NCOR1: variants seen among roughly 807,000 people sequenced by gnomAD.
NCOR1 encodes protein phosphatase 1, regulatory subunit 109.
A neutral mutation model predicts 288.1 loss-of-function variants in NCOR1; 63 were observed. The ratio of observed to expected loss-of-function variants is 0.22; its 90% CI spans 0.18 to 0.27. The LOEUF is 0.27. Among genes scored for constraint, NCOR1 ranks in the 10% least tolerant of loss-of-function variants. The pLI is 1.00. For missense variants in NCOR1, 2,397 were observed against 3,019.2 expected (o/e 0.79, Z 4.83); for synonymous variants, 1,007 against 1,065.9 (o/e 0.94, Z 1.08).
chr17:16,129,910 T>C (rs1412870846), intron 14 of NCOR1, among the ~76,000 whole-genome samples: 1 of 152,218 alleles, frequency 6.6e-6, no homozygotes, highest in African/African-American at 2.4e-5. Flanking sequence ...ATCCCACGCA[T>C]TCCCTGCTGT....
chr17:16,041,378 G>A (rs2057535084), intron 42 of NCOR1: 1 of 146,114 alleles, frequency 6.8e-6, no homozygotes, highest in Admixed American at 6.8e-5. Flanking sequence ...GCAGCCAAAT[G>A]ATGTGTCCCA....
intron 3 of NCOR1, among the ~76,000 whole-genome samples, chr17:16,177,621 A>C (rs1220070782): frequency 6.6e-6 from 1 of 152,138 alleles, no homozygotes; most frequent in Non-Finnish European, 1.5e-5. Context: ...GGGGCAAAGG[A>C]AGAAAAATCT....
Position 16,180,987 on chromosome 17 carries a change from T to C in NCOR1, c.242+5567A>G, listed in dbSNP as rs181172933. 2.0e-4 allele frequency among the ~76,000 whole-genome samples: 30 copies of C among 152,154 alleles called. 1 individual carries two copies. Among genetic ancestry groups the C allele is most frequent in the African/African-American group, 7.0e-4 (29 of 41,530 alleles). On this transcript the variant is annotated intron_variant, in intron 3 of 45. Coordinates refer to ENST00000268712, the MANE Select transcript of NCOR1 (RefSeq NM_006311.4). ...CAGCCTGGCCAACATGGCGAAACCC[T>C]GTCTCTACTAAAAATACAAAAAGTA...
intron 2 of NCOR1, among the ~76,000 whole-genome samples, chr17:16,190,896 C>T (rs1441526270): frequency 3.3e-5 from 5 of 152,222 alleles, no homozygotes; most frequent in Admixed American, 1.3e-4. Context: ...ACCTACCATA[C>T]TCTAGGCCCT....
chr17:16,071,708 T>C, intron 29 of NCOR1, 43 bp from the exon 30 acceptor site: 1 of 1,554,432 alleles, frequency 6.4e-7, no homozygotes. Flanking sequence ...TGCTGATGGT[T>C]GCACAACAAT....
chr17:16,127,919 A>G (rs2075002147), intron 14 of NCOR1, among the ~76,000 whole-genome samples: 3 of 151,832 alleles, frequency 2.0e-5, no homozygotes, highest in Admixed American at 2.0e-4. Context: ...TGGCATGATC[A>G]TAGCTTACTG....
chr17:16,104,250 T>C (rs1269611533), intron 19 of NCOR1, among the ~76,000 whole-genome samples: 1 of 151,112 alleles, frequency 6.6e-6, no homozygotes, highest in Non-Finnish European at 1.5e-5. Flanking sequence ...ACATGAATGG[T>C]TGTGAAAACC....
intron 44 of NCOR1, among the ~76,000 whole-genome samples, chr17:16,035,266 T>C (rs914693941): frequency 3.9e-5 from 6 of 152,204 alleles, no homozygotes; most frequent in Non-Finnish European, 8.8e-5. Context: ...CATGCAATGA[T>C]AGCATTTTAG....
At chr17:16,059,572 G>C (rs892457675) in intron 37 of NCOR1, among the ~76,000 whole-genome samples, 1 of 152,152 alleles carries the variant, frequency 6.6e-6, no homozygotes, top group Non-Finnish European at 1.5e-5. Context: ...TATGCAGTGG[G>C]GCTAACAGGC....
intron 3 of NCOR1, among the ~76,000 whole-genome samples, chr17:16,184,889 A>T (rs1381650640): frequency 6.6e-6 from 1 of 152,086 alleles, no homozygotes; most frequent in Non-Finnish European, 1.5e-5. Context: ...AACCCTAAAA[A>T]AAAATGAGAT....
At chr17:16,106,446 A>C (rs986848247) in intron 19 of NCOR1, among the ~76,000 whole-genome samples, 2 of 151,840 alleles carry the variant, frequency 1.3e-5, no homozygotes, top group East Asian at 1.9e-4. Context: ...ACAAAAAAAA[A>C]CCTTAAAGAA....
chr17:16,167,511 CA>C (rs2082238020), intron 4 of NCOR1, among the ~76,000 whole-genome samples: 1 of 151,534 alleles, frequency 6.6e-6, no homozygotes, highest in Admixed American at 6.6e-5. Context: ...AGGCCAAAAG[CA>C]AAAGATATAA....
chr17:16,151,604 T>G (rs1227296981), intron 8 of NCOR1: 1 of 1,345,352 alleles, frequency 7.4e-7, no homozygotes, highest in African/African-American at 1.5e-5. Context: ...TCATGCGCCT[T>G]GCAGGTACTC....
chr17:16,210,257 G>A (rs1039388876), intron 1 of NCOR1, among the ~76,000 whole-genome samples: 2 of 151,998 alleles, frequency 1.3e-5, no homozygotes, highest in Non-Finnish European at 2.9e-5. Flanking sequence ...GGTGGTGCAT[G>A]CCTGTAATCC....
chr17:16,154,367 A>T (rs1013615904), intron 6 of NCOR1, among the ~76,000 whole-genome samples: 8 of 152,218 alleles, frequency 5.3e-5, no homozygotes, highest in African/African-American at 1.9e-4. Flanking sequence ...TCTTCAACAT[A>T]TGTTCGGTAT....
chr17:16,149,590 G>C (rs1162842036), intron 8 of NCOR1, 73 bp from the exon 9 acceptor site: 18 of 609,364 alleles, frequency 3.0e-5, no homozygotes, highest in Non-Finnish European at 5.0e-5. Context: ...TTTTTTTCCA[G>C]AGACACTGGA....
chr17:16,094,847 G>A (rs904890358), intron 21 of NCOR1, among the ~76,000 whole-genome samples: 1 of 152,192 alleles, frequency 6.6e-6, no homozygotes, highest in Non-Finnish European at 1.5e-5. Flanking sequence ...GATTGCAGAT[G>A]GAGTCTCGTT....
chr17:16,214,781 G>T (rs968769868), intron 1 of NCOR1, among the ~76,000 whole-genome samples: 1 of 152,164 alleles, frequency 6.6e-6, no homozygotes, highest in Non-Finnish European at 1.5e-5. Flanking sequence ...TACGGACTTC[G>T]CTTAAGAAAA....
At chr17:16,040,311 A>AT in intron 43 of NCOR1, 130 bp downstream of exon 43, 2 of 799,738 alleles carry the variant, frequency 2.5e-6, no homozygotes, top group Non-Finnish European at 4.3e-6. Context: ...CCTTCACTAA[A>AT]TTATTTATTT....
Sources: allele counts gnomAD v4.1 joint callset (sites outside exome capture counted in the v4.1 genomes callset), GRCh38; gene constraint gnomAD v4.1.1; transcripts MANE v1.5; gene names NCBI Gene and HGNC (gene_info 2026-07-23, HGNC 2026-07-21).